The following XPO5 variants were observed in gnomAD, a reference collection of about 807,000 sequenced individuals.
The protein encoded by XPO5 is exportin-5.
In XPO5, 46 loss-of-function variants were observed where a neutral mutation model predicts 160.6. The observed-to-expected ratio is 0.29, with a 90% CI of 0.23 to 0.37. The LOEUF (loss-of-function observed/expected upper bound fraction) is 0.37. Ranked by LOEUF, XPO5 falls within the 10% of genes least tolerant of loss-of-function variation. The probability of loss-of-function intolerance (pLI) is 1.00; values close to 1 mark genes in which losing one functional copy is unlikely to be tolerated. For missense variants in XPO5, 1,090 were observed against 1,463.9 expected, an observed-to-expected ratio of 0.74 and a Z score of 4.17; for synonymous variants, 537 against 519.3, an observed-to-expected ratio of 1.03 and a Z score of -0.46.
intron 21 of XPO5, among the ~76,000 whole-genome samples, 153 bp from the exon 22 acceptor site, chr6:43,531,728 T>C (rs1417326644): frequency 6.6e-6 from 1 of 152,180 alleles, no homozygotes; most frequent in East Asian, 1.9e-4. Flanking sequence ...TTTGCTGCAC[T>C]CTTTTGGTAG....
chr6:43,561,251 A>C (rs1484973259), intron 9 of XPO5: 2 of 420,016 alleles, frequency 4.8e-6, no homozygotes, highest in African/African-American at 4.0e-5. Flanking sequence ...TTCTGTGGTC[A>C]AACAGTAAAA....
At chr6:43,527,965 T>C (rs1793705669) in intron 25 of XPO5, among the ~76,000 whole-genome samples, 194 bp downstream of exon 25, 1 of 152,232 alleles carries the variant, frequency 6.6e-6, no homozygotes, top group African/African-American at 2.4e-5. Context: ...CAGTAGCCCC[T>C]ATGAAGGCTG....
intron 12 of XPO5, among the ~76,000 whole-genome samples, chr6:43,557,821 G>A (rs1054083766): frequency 6.8e-6 from 1 of 147,978 alleles, no homozygotes; most frequent in East Asian, 2.0e-4. Flanking sequence ...GAGGCTGGGC[G>A]CGGTGGTTCG....
At position 43,558,120 on chromosome 6, in the gene XPO5, A is replaced by G. The variant is rs566496356; in HGVS notation, c.1312+381T>C. Among the ~76,000 whole-genome samples the G allele has an allele frequency of 7.2e-5, 11 of 152,202 alleles. No homozygotes were observed. In the South Asian group the frequency reaches 2.3e-3, roughly 32 times the overall value. ...CAAAAAAAAAAACAAACAAAAAGGA[A>G]ATAAGGCACAGAAAACACAGAACAG... On this transcript the variant is annotated intron_variant, in intron 12 of 31. Coordinates refer to ENST00000265351, the MANE Select transcript of XPO5 (RefSeq NM_020750.3).
rs751903723 is a variant in XPO5, at chr6:43,525,996, A to G, written c.2984-75T>C. ...GAATATCTTGTTCTGACAGAAGCGC[A>G]AAAAACAAAGCAAAGCTGAGTGTTC... On this transcript the variant is annotated intron_variant, in intron 27 of 31. Transcript: ENST00000265351. The G allele has an allele frequency of 1.4e-5, 21 of 1,549,390 alleles. No individual in the cohort carries two copies. In the South Asian group the frequency reaches 2.3e-4, roughly 17 times the overall value.
chr6:43,530,891 C>A, intron 22 of XPO5, 67 bp from the exon 23 acceptor site: 1 of 1,516,442 alleles, frequency 6.6e-7, no homozygotes, highest in South Asian at 1.3e-5. Flanking sequence ...AGCCCTGTCC[C>A]ATGAATTTCA....
At chr6:43,535,465 C>T (rs112427534) in intron 20 of XPO5, among the ~76,000 whole-genome samples, 5,012 of 151,972 alleles carry the variant, frequency 0.033, 266 homozygotes, top group African/African-American at 0.11. Flanking sequence ...TGGTGGGTGC[C>T]GGGCATGGTA....
intron 20 of XPO5, chr6:43,544,160 T>C (rs1794851414): frequency 6.4e-6 from 1 of 155,202 alleles, no homozygotes; most frequent in South Asian, 2.0e-4. Context: ...ACTAAGAAAA[T>C]AGAGTCCTTA....
intron 26 of XPO5, 176 bp from the exon 27 acceptor site, chr6:43,526,923 C>G: frequency 3.2e-6 from 2 of 631,422 alleles, no homozygotes; most frequent in South Asian, 1.8e-5. Flanking sequence ...TTCTGATGAC[C>G]GAACTGTTTT....
chr6:43,561,527 C>T (rs917249484), intron 9 of XPO5: 1 of 153,860 alleles, frequency 6.5e-6, no homozygotes, highest in Non-Finnish European at 1.4e-5. Flanking sequence ...AACAGGCATG[C>T]ACCACCACGC....
At chr6:43,536,790 A>G (rs1007531409) in intron 20 of XPO5, among the ~76,000 whole-genome samples, 11 of 133,840 alleles carry the variant, frequency 8.2e-5, no homozygotes, top group South Asian at 2.5e-4. Flanking sequence ...AAAAAAAAAA[A>G]GCAGCTTTAC....
intron 20 of XPO5, chr6:43,539,492 T>C: frequency 1.3e-6 from 2 of 1,571,024 alleles, no homozygotes; most frequent in Admixed American, 3.4e-5. Flanking sequence ...CTTCATGTCC[T>C]TGACCAAGCG....
chr6:43,538,225 A>G (rs1047105120), intron 20 of XPO5, among the ~76,000 whole-genome samples: 2 of 128,456 alleles, frequency 1.6e-5, no homozygotes, highest in Admixed American at 1.9e-4. Context: ...TCTCAGCTCA[A>G]TGCAACCTCC....
intron 12 of XPO5, 107 bp from the exon 13 acceptor site, chr6:43,556,071 C>A (rs1019308789): frequency 3.4e-6 from 5 of 1,457,398 alleles, no homozygotes; most frequent in Admixed American, 4.4e-5. Flanking sequence ...TTCAAAGGAA[C>A]TGTTTTGCAG....
In XPO5 at chr6:43,525,691, C is replaced by T. The variant is rs144041302; in HGVS notation, c.3066+148G>A. The T allele has an allele frequency of 2.1e-3, 1,720 of 810,214 alleles. 4 individuals are homozygous for T. Among genetic ancestry groups the T allele is most frequent in the Non-Finnish European group, 3.0e-3 (1,557 of 526,812 alleles). 50.2% of individuals were successfully genotyped at this position (810,214 alleles called of 1,614,324 possible). A position where few individuals can be genotyped will look rare whatever the true frequency, so the allele number is the denominator to read the frequency against. ...CACCATGGCATTGCACCTTTTCCCTCGGTTTTTTCTGGGGCCTTTGGAACC... is the reference window on the plus strand; with the variant it reads ...CACCATGGCATTGCACCTTTTCCCTTGGTTTTTTCTGGGGCCTTTGGAACC... On this transcript the variant is annotated intron_variant, in intron 28 of 31. Transcript: ENST00000265351.
intron 7 of XPO5, among the ~76,000 whole-genome samples, chr6:43,566,811 TAAAAAAAAAA>T (rs56147929): frequency 3.0e-5 from 3 of 101,674 alleles, no homozygotes; most frequent in Admixed American, 1.1e-4. Flanking sequence ...CTGTTTCAAT[TAAAAAAAAAA>T]AAAAAAAAAA....
At chr6:43,533,253 CACACACACACGAG>C (rs928441002) in intron 21 of XPO5, 6 of 141,430 alleles carry the variant, frequency 4.2e-5, no homozygotes, top group African/African-American at 1.8e-4. Context: ...CACACACACA[CACACACACACGAG>C]GAGGCAGGAA....
intron 6 of XPO5, 58 bp downstream of exon 6, chr6:43,568,653 G>C (rs1458774488): frequency 7.1e-7 from 1 of 1,417,966 alleles, no homozygotes; most frequent in South Asian, 1.4e-5. Context: ...CTAGGGGCAC[G>C]TATCCCCTCA....
chr6:43,542,586 T>TTGG (rs1794758035), intron 20 of XPO5, among the ~76,000 whole-genome samples: 1 of 151,908 alleles, frequency 6.6e-6, no homozygotes, highest in Non-Finnish European at 1.5e-5. Context: ...ATTTTTTTTG[T>TTGG]TGGTGGTGGT....
Sources: allele counts gnomAD v4.1 joint callset (sites outside exome capture counted in the v4.1 genomes callset), GRCh38; gene constraint gnomAD v4.1.1; transcripts MANE v1.5; gene names NCBI Gene and HGNC (gene_info 2026-07-23, HGNC 2026-07-21).